The following COL4A2 variants were observed in gnomAD, a reference collection of about 807,000 sequenced individuals.
COL4A2 encodes the protein collagen type IV alpha 2 chain, also known as collagen alpha-2(IV) chain.
COL4A2 carries 99 observed loss-of-function variants against 200.2 expected under a neutral mutation model. That is an observed-to-expected ratio of 0.49 (90% confidence interval 0.42 to 0.58). The LOEUF is 0.58. Among genes scored for constraint, COL4A2 ranks in the 20% least tolerant of loss-of-function variants. The pLI is 0.00. For synonymous variants in COL4A2, 897 were observed against 900.6 expected (o/e 1.00, Z 0.07); for missense variants, 1,950 against 2,314.1 (o/e 0.84, Z 3.23).
rs150851706 is a variant in COL4A2, at chr13:110,406,021, G to A, written c.181-18713G>A. On this transcript the variant is annotated intron_variant, in intron 4 of 47. Transcript: ENST00000360467. ...CTCTTGCAGTGATCAAGTGTCTGCCGCCTGGATTCTTTCCTGGCATGTCAG... is the reference window on the plus strand; with the variant it reads ...CTCTTGCAGTGATCAAGTGTCTGCCACCTGGATTCTTTCCTGGCATGTCAG... Among the ~76,000 whole-genome samples the A allele has an allele frequency of 1.2e-3, 185 of 152,286 alleles. 1 individual carries two copies. The highest frequency in any genetic ancestry group is 6.8e-3 in the Middle Eastern group (2 of 294).
In COL4A2 at chr13:110,491,237, G is replaced by T. The variant is rs1883274761; in HGVS notation, c.3351G>T (p.Leu1117=). 1 of 1,593,516 alleles carries T rather than the reference G, an allele frequency of 6.3e-7. No individual in the cohort carries two copies. The highest frequency in any genetic ancestry group is 8.6e-7 in the Non-Finnish European group (1 of 1,168,600). The change falls in exon 37 of 48, where the codon CTG becomes CTT. Residue 1117 remains leucine (L), a synonymous_variant. Coordinates refer to ENST00000360467, the MANE Select transcript of COL4A2 (RefSeq NM_001846.4). ...GERGTTGIPG[L]KGFFGEKGTE... is the part of the protein sequence containing the mutation. ...GCAGCATGTCTGTGGTTGCAGGTCT[G>T]AAGGGATTCTTTGGAGAGAAGGGAA...
intron 3 of COL4A2, among the ~76,000 whole-genome samples, chr13:110,308,514 G>A (rs112551944): frequency 7.5e-4 from 114 of 152,324 alleles, no homozygotes; most frequent in Admixed American, 2.1e-3. Context: ...GGAGCTGGTG[G>A]GGAGTCTCTG....
At chr13:110,414,798 A>C (rs528687653) in intron 4 of COL4A2, among the ~76,000 whole-genome samples, 38 of 152,382 alleles carry the variant, frequency 2.5e-4, no homozygotes, top group African/African-American at 8.9e-4. Flanking sequence ...TTGCGTATTA[A>C]GCAAGACAAA....
chr13:110,328,744 C>A (rs1239100591), intron 3 of COL4A2, among the ~76,000 whole-genome samples: 1 of 152,186 alleles, frequency 6.6e-6, no homozygotes, highest in African/African-American at 2.4e-5. Context: ...GAGAGACGGG[C>A]GGGCTCCGTC....
chr13:110,446,824 T>A lies in COL4A2; in HGVS notation c.1038T>A (p.Pro346=). 1.2e-6 allele frequency: 2 copies of A among 1,612,980 alleles called. No individual in the cohort carries two copies. The highest frequency in any genetic ancestry group is 1.7e-6 in the Non-Finnish European group (2 of 1,179,042). ...GAGAAGCCGGAGACCCAGGGCCCCC[T>A]GGACTACCTGCCTACTCCCCTCACC... ...PKGEAGDPGP[P]GLPAYSPHPS... The change falls in exon 18 of 48, where the codon CCT becomes CCA. Residue 346 remains proline, a synonymous_variant. Coordinates refer to ENST00000360467, the MANE Select transcript of COL4A2 (RefSeq NM_001846.4).
Position 110,503,106 on chromosome 13 carries a change from C to A in COL4A2, c.3878-15C>A. Reference sequence around the variant, plus strand: ...CCCTGTTTAAACCCTCCTTTCTTGTCCCTAATGCCAACAGGTTATCGGGGC... The same window carrying A: ...CCCTGTTTAAACCCTCCTTTCTTGTACCTAATGCCAACAGGTTATCGGGGC... On this transcript the variant is annotated splice_polypyrimidine_tract_variant and intron_variant, in intron 41 of 47. Transcript: ENST00000360467. 6.2e-7 allele frequency: 1 copy of A among 1,612,626 alleles called. No individual in the cohort carries two copies. Among genetic ancestry groups the A allele is most frequent in the South Asian group, 1.1e-5 (1 of 90,948 alleles).
chr13:110,330,913 G>A (rs1875879640), intron 3 of COL4A2, among the ~76,000 whole-genome samples: 1 of 152,074 alleles, frequency 6.6e-6, no homozygotes, highest in South Asian at 2.1e-4. Flanking sequence ...TTAGGCTGCT[G>A]GGGAGCCTTC....
chr13:110,332,512 CA>C, intron 3 of COL4A2, among the ~76,000 whole-genome samples: 1 of 152,356 alleles, frequency 6.6e-6, no homozygotes, highest in East Asian at 1.9e-4. Flanking sequence ...CTCCCACACA[CA>C]GCACCTTCTT....
chr13:110,503,205 C>T lies in COL4A2; in HGVS notation c.3962C>T (p.Thr1321Ile), dbSNP rs570790825. 3.4e-5 allele frequency: 55 copies of T among 1,613,982 alleles called. No individual in the cohort carries two copies. The highest frequency in any genetic ancestry group is 4.4e-5 in the Non-Finnish European group (52 of 1,179,980). The change falls in exon 42 of 48, where the codon ACC (threonine) becomes ATC (isoleucine). Residue 1321 changes from threonine (T) to isoleucine (I), a missense_variant. This residue lies in a region of COL4A2 where 1,385 missense variants were observed against 1,720.5 expected (regional missense o/e 0.80). Transcript: ENST00000360467. ...GDTGNPGAPG[T>I]PGTKGWAGDS... is the part of the protein sequence containing the mutation. The stretch of plus-strand genomic sequence containing the variant: ...ACAGGGAACCCAGGAGCTCCAGGAA[C>T]CCCAGGGACCAAAGGATGGGCCGGG...
intron 45 of COL4A2, among the ~76,000 whole-genome samples, chr13:110,505,088 C>G (rs111454414): frequency 1.3e-5 from 2 of 151,890 alleles, no homozygotes; most frequent in Non-Finnish European, 2.9e-5. Context: ...CGGTGGCTCA[C>G]GCCTGTAATC....
chr13:110,393,004 T>A (rs971450976), intron 4 of COL4A2, among the ~76,000 whole-genome samples: 1 of 152,222 alleles, frequency 6.6e-6, no homozygotes, highest in Non-Finnish European at 1.5e-5. Flanking sequence ...GAGCGAGAAC[T>A]CACAGTGATT....
intron 13 of COL4A2, among the ~76,000 whole-genome samples, chr13:110,437,125 G>A (rs974314944): frequency 6.6e-6 from 1 of 152,242 alleles, no homozygotes; most frequent in African/African-American, 2.4e-5. Context: ...CTTGAGCAGG[G>A]TGGGGCTTGG....
At chr13:110,498,632 C>T (rs1191349092) in intron 40 of COL4A2, among the ~76,000 whole-genome samples, 1 of 152,236 alleles carries the variant, frequency 6.6e-6, no homozygotes, top group African/African-American at 2.4e-5. Flanking sequence ...TTATTTTCCA[C>T]TTAATACCTC....
chr13:110,465,924 C>G, intron 25 of COL4A2, 79 bp from the exon 26 acceptor site: 1 of 1,532,156 alleles, frequency 6.5e-7, no homozygotes, highest in South Asian at 1.2e-5. Flanking sequence ...CACCTTCACA[C>G]ACGTGCACGC....
At chr13:110,312,987 T>G (rs1354341328) in intron 3 of COL4A2, among the ~76,000 whole-genome samples, 2 of 152,166 alleles carry the variant, frequency 1.3e-5, no homozygotes, top group Admixed American at 1.3e-4. Flanking sequence ...CCTGTGAGGG[T>G]GAGCCGGGGT....
intron 39 of COL4A2, among the ~76,000 whole-genome samples, chr13:110,493,871 C>T (rs565603536): frequency 3.3e-5 from 5 of 152,146 alleles, no homozygotes; most frequent in South Asian, 2.1e-4. Flanking sequence ...GGAGAGCACC[C>T]GCTCTCCCCT....
chr13:110,378,722 T>G (rs890157160), intron 4 of COL4A2, among the ~76,000 whole-genome samples: 2 of 152,230 alleles, frequency 1.3e-5, no homozygotes, highest in African/African-American at 4.8e-5. Flanking sequence ...GAATGCAGTA[T>G]TCCCTGCAGA....
intron 16 of COL4A2, 118 bp downstream of exon 16, chr13:110,439,951 T>C: frequency 6.9e-7 from 1 of 1,440,006 alleles, no homozygotes; most frequent in Non-Finnish European, 9.3e-7. Flanking sequence ...ACATTGAAAA[T>C]GGTTCTTGTA....
intron 24 of COL4A2, among the ~76,000 whole-genome samples, chr13:110,464,616 C>T (rs1882159496): frequency 6.6e-6 from 1 of 152,170 alleles, no homozygotes; most frequent in Non-Finnish European, 1.5e-5. Context: ...TCCGTCATGC[C>T]TTTGACAAGG....
Sources: allele counts gnomAD v4.1 joint callset (sites outside exome capture counted in the v4.1 genomes callset), GRCh38; gene constraint gnomAD v4.1.1; regional missense constraint gnomAD v4.1.1; transcripts MANE v1.5; gene names NCBI Gene and HGNC (gene_info 2026-07-23, HGNC 2026-07-21).